PDE3A: variants seen among roughly 807,000 people sequenced by gnomAD.
The protein encoded by PDE3A is phosphodiesterase 3A, also known as cGMP-inhibited 3',5'-cyclic phosphodiesterase 3A.
PDE3A carries 43 observed loss-of-function variants against 98.3 expected under a neutral mutation model. That is an observed-to-expected ratio of 0.44 (90% CI 0.34 to 0.56). PDE3A has a LOEUF of 0.56. Ranked by LOEUF, PDE3A falls within the 20% of genes least tolerant of loss-of-function variation. PDE3A has a pLI of 0.01. For missense variants in PDE3A, 1,427 were observed against 1,440.7 expected, an observed-to-expected ratio of 0.99 and a Z score of 0.15; for synonymous variants, 663 against 567.9, an observed-to-expected ratio of 1.17 and a Z score of -2.38.
intron 1 of PDE3A, among the ~76,000 whole-genome samples, chr12:20,494,488 A>G (rs895642326): frequency 5.3e-5 from 8 of 152,224 alleles, no homozygotes; most frequent in Admixed American, 5.2e-4. Context: ...GTGTGTAGGT[A>G]CATTTCTTAA....
chr12:20,503,896 A>G (rs1026041823), intron 1 of PDE3A, among the ~76,000 whole-genome samples: 15 of 152,262 alleles, frequency 9.9e-5, no homozygotes, highest in African/African-American at 3.6e-4. Flanking sequence ...GATATGAATC[A>G]ATTCCTTAGC....
At chr12:20,386,464 C>G (rs1943808170) in intron 1 of PDE3A, among the ~76,000 whole-genome samples, 1 of 150,734 alleles carries the variant, frequency 6.6e-6, no homozygotes, top group African/African-American at 2.4e-5. Context: ...CCTTTGTCCA[C>G]TTTTTAATGG....
chr12:20,491,301 C>T (rs1308844636), intron 1 of PDE3A, among the ~76,000 whole-genome samples: 1 of 152,116 alleles, frequency 6.6e-6, no homozygotes, highest in Non-Finnish European at 1.5e-5. Context: ...AAACAGGCAT[C>T]TCTAATGAAA....
At chr12:20,444,459 C>T (rs1363851104) in intron 1 of PDE3A, among the ~76,000 whole-genome samples, 1 of 152,168 alleles carries the variant, frequency 6.6e-6, no homozygotes, top group African/African-American at 2.4e-5. Flanking sequence ...TAATTTGTAT[C>T]ATCCATTTAC....
chr12:20,630,930 A>T (rs2121510206), intron 6 of PDE3A, among the ~76,000 whole-genome samples: 1 of 152,300 alleles, frequency 6.6e-6, no homozygotes, highest in African/African-American at 2.4e-5. Context: ...TATTTGAATA[A>T]ATGAGTAACT....
chr12:20,523,828 T>C (rs917534132), intron 1 of PDE3A, among the ~76,000 whole-genome samples: 11 of 152,246 alleles, frequency 7.2e-5, no homozygotes, highest in African/African-American at 2.7e-4. Context: ...GATGATTCAC[T>C]TCGTAGAAAA....
intron 1 of PDE3A, among the ~76,000 whole-genome samples, chr12:20,413,847 G>A (rs1306457345): frequency 6.6e-6 from 1 of 152,182 alleles, no homozygotes; most frequent in African/African-American, 2.4e-5. Context: ...GACAGTGGAG[G>A]AGAGCATCTT....
chr12:20,391,368 C>CAT (rs370725569), intron 1 of PDE3A, among the ~76,000 whole-genome samples: 17,919 of 142,012 alleles, frequency 0.13, 1,251 homozygotes, highest in Non-Finnish European at 0.17. Context: ...TATATATTCT[C>CAT]ATATATATAT....
intron 2 of PDE3A, among the ~76,000 whole-genome samples, chr12:20,567,957 T>C (rs372649065): frequency 6.6e-6 from 1 of 152,020 alleles, no homozygotes; most frequent in Non-Finnish European, 1.5e-5. Context: ...ACATGATAAA[T>C]AATCATACCA....
At chr12:20,371,865 AAC>A (rs1202964720) in intron 1 of PDE3A, among the ~76,000 whole-genome samples, 1 of 152,112 alleles carries the variant, frequency 6.6e-6, no homozygotes, top group Non-Finnish European at 1.5e-5. Context: ...CTTAAATGAA[AAC>A]ACCACCGCTT....
chr12:20,375,407 T>C (rs376691607), intron 1 of PDE3A, among the ~76,000 whole-genome samples: 8 of 152,080 alleles, frequency 5.3e-5, no homozygotes, highest in Middle Eastern at 3.4e-3. Flanking sequence ...ACTGAGAATG[T>C]ATGTTTGTGC....
rs193160581 is a variant in PDE3A, at chr12:20,384,884, G to A, written c.960+14640G>A. On this transcript the variant is annotated intron_variant, in intron 1 of 15. Transcript: ENST00000359062. ...CCTCATTCCTCTTTATGGCTGCATA[G>A]TATTCCATGGTGTATATGTACCACA... is the stretch of plus-strand genomic sequence containing the variant. Among the ~76,000 whole-genome samples the A allele has an allele frequency of 8.1e-3, 1,237 of 152,214 alleles. 24 individuals carry two copies. Among genetic ancestry groups the A allele is most frequent in the Admixed American group, 0.04 (613 of 15,264 alleles).
At chr12:20,593,623 AAAGAATAAATACAAATAAAACCT>A (rs1378209896) in intron 2 of PDE3A, among the ~76,000 whole-genome samples, 1 of 152,224 alleles carries the variant, frequency 6.6e-6, no homozygotes, top group African/African-American at 2.4e-5. Flanking sequence ...GTAAGAAAGC[AAAGAATAAATACAAATAAAACCT>A]AAGAGTCAAC....
At chr12:20,637,800 C>T (rs1207014092) in intron 9 of PDE3A, among the ~76,000 whole-genome samples, 2 of 152,036 alleles carry the variant, frequency 1.3e-5, no homozygotes, top group African/African-American at 4.8e-5. Flanking sequence ...AGGCTTTTCA[C>T]ATAAATAATT....
intron 1 of PDE3A, among the ~76,000 whole-genome samples, chr12:20,486,488 A>G (rs7312861): frequency 0.11 from 16,741 of 152,172 alleles, 2,343 homozygotes; most frequent in African/African-American, 0.33. Context: ...CAGCCAAACC[A>G]TATCAGAGGG....
intron 1 of PDE3A, among the ~76,000 whole-genome samples, chr12:20,492,404 T>C (rs958732147): frequency 1.9e-4 from 2 of 10,270 alleles, no homozygotes; most frequent in African/African-American, 5.0e-4. Context: ...GTTCGAATCC[T>C]GTCTGCTATA....
At chr12:20,566,423 T>C (rs1942657737) in intron 2 of PDE3A, among the ~76,000 whole-genome samples, 1 of 152,046 alleles carries the variant, frequency 6.6e-6, no homozygotes, top group Admixed American at 6.6e-5. Flanking sequence ...CATTTTAGAA[T>C]TTTGTAATCA....
intron 1 of PDE3A, among the ~76,000 whole-genome samples, chr12:20,446,544 T>G (rs1481192105): frequency 6.6e-6 from 1 of 152,188 alleles, no homozygotes; most frequent in Non-Finnish European, 1.5e-5. Context: ...CTGGAGTTTG[T>G]GTCCTGGATG....
At chr12:20,567,732 T>C (rs1423269281) in intron 2 of PDE3A, among the ~76,000 whole-genome samples, 3 of 151,954 alleles carry the variant, frequency 2.0e-5, no homozygotes, top group Non-Finnish European at 2.9e-5. Flanking sequence ...AGGACTTTAA[T>C]AGAAGCTTAT....
Sources: gnomAD v4.1 joint callset for allele counts (sites outside exome capture counted in the v4.1 genomes callset) on GRCh38, gnomAD v4.1.1 for gene constraint, MANE v1.5 for transcripts, NCBI Gene and HGNC (gene_info 2026-07-23, HGNC 2026-07-21) for gene names.